The following KCNIP1 variants were observed in gnomAD, a reference collection of about 807,000 sequenced individuals.
KCNIP1 encodes potassium voltage-gated channel interacting protein 1.
In KCNIP1, 18 loss-of-function variants were observed where a neutral mutation model predicts 33.0. The observed-to-expected ratio is 0.55, with a 90% CI of 0.38 to 0.81. The LOEUF (loss-of-function observed/expected upper bound fraction) is 0.81. KCNIP1 is among the 30% of genes least tolerant of loss of function. KCNIP1 has a pLI of 0.00. For missense variants in KCNIP1, 238 were observed against 271.6 expected (o/e 0.88, Z 0.87); for synonymous variants, 93 against 98.3 (o/e 0.95, Z 0.32).
chr5:170,355,711 G>A (rs533489608), intron 1 of KCNIP1, among the ~76,000 whole-genome samples: 1 of 152,354 alleles, frequency 6.6e-6, no homozygotes, highest in Admixed American at 6.5e-5. Context: ...ACATCAGAGT[G>A]TTGGCCTCTG....
At chr5:170,486,733 C>T (rs1442704452) in intron 1 of KCNIP1, among the ~76,000 whole-genome samples, 2 of 152,150 alleles carry the variant, frequency 1.3e-5, no homozygotes, top group Non-Finnish European at 2.9e-5. Context: ...ATTTGCTATC[C>T]TGCAGGCAAG....
chr5:170,356,379 T>C (rs1360619784), intron 1 of KCNIP1, among the ~76,000 whole-genome samples: 1 of 152,132 alleles, frequency 6.6e-6, no homozygotes, highest in Non-Finnish European at 1.5e-5. Context: ...GCCTTGCAAA[T>C]ACCTGGGGGA....
chr5:170,682,897 G>T (rs1762407138), intron 1 of KCNIP1, among the ~76,000 whole-genome samples: 1 of 142,824 alleles, frequency 7.0e-6, no homozygotes. Flanking sequence ...CCAAAGTGCT[G>T]GGATTACAGG....
chr5:170,636,143 A>G (rs1324405307), intron 1 of KCNIP1, among the ~76,000 whole-genome samples: 1 of 152,234 alleles, frequency 6.6e-6, no homozygotes, highest in African/African-American at 2.4e-5. Context: ...TAGACAGTGA[A>G]GCGGAAATGT....
intron 1 of KCNIP1, among the ~76,000 whole-genome samples, chr5:170,676,696 G>T (rs1561758392): frequency 6.6e-6 from 1 of 152,180 alleles, no homozygotes; most frequent in Admixed American, 6.5e-5. Flanking sequence ...AGGGCACATG[G>T]ATGTCACACT....
intron 1 of KCNIP1, among the ~76,000 whole-genome samples, chr5:170,425,094 C>T (rs536182135): frequency 2.8e-4 from 42 of 152,282 alleles, no homozygotes; most frequent in South Asian, 1.2e-3. Flanking sequence ...CCCCTGCACA[C>T]GCTCCACACC....
intron 1 of KCNIP1, among the ~76,000 whole-genome samples, chr5:170,595,069 C>T (rs990589678): frequency 6.6e-6 from 1 of 152,160 alleles, no homozygotes; most frequent in Admixed American, 6.5e-5. Context: ...GTATAAGAGT[C>T]AAGGCCCACT....
intron 1 of KCNIP1, among the ~76,000 whole-genome samples, chr5:170,534,598 A>G (rs887594657): frequency 6.6e-6 from 1 of 152,068 alleles, no homozygotes; most frequent in African/African-American, 2.4e-5. Context: ...GCTCACTGCA[A>G]CCTTGATTTC....
intron 1 of KCNIP1, among the ~76,000 whole-genome samples, chr5:170,569,382 T>C (rs943484577): frequency 2.6e-5 from 4 of 152,356 alleles, no homozygotes; most frequent in Admixed American, 6.5e-5. Flanking sequence ...TGGCAAACAT[T>C]TGGGGACCCT....
intron 1 of KCNIP1, among the ~76,000 whole-genome samples, chr5:170,492,094 C>A (rs1176423318): frequency 1.3e-5 from 2 of 152,206 alleles, no homozygotes; most frequent in Admixed American, 1.3e-4. Context: ...CCAGAGTTAG[C>A]AGAGGCCCCA....
intron 5 of KCNIP1, 48 bp from the exon 6 acceptor site, chr5:170,732,752 C>A (rs1169736685): frequency 1.6e-6 from 2 of 1,266,074 alleles, no homozygotes; most frequent in African/African-American, 1.5e-5. Flanking sequence ...CTAGGAAGAG[C>A]TTGACCTCAT....
At chr5:170,612,435 C>T (rs1163401930) in intron 1 of KCNIP1, among the ~76,000 whole-genome samples, 6 of 152,322 alleles carry the variant, frequency 3.9e-5, no homozygotes, top group Middle Eastern at 6.8e-3. Context: ...GGCTCCCTTT[C>T]GGAGACTAAT....
intron 7 of KCNIP1, among the ~76,000 whole-genome samples, chr5:170,735,184 G>C (rs1764339331): frequency 6.6e-6 from 1 of 152,000 alleles, no homozygotes; most frequent in African/African-American, 2.4e-5. Flanking sequence ...GCTTTGGGGG[G>C]TTTTCTTACT....
chr5:170,534,234 T>C (rs775652569), intron 1 of KCNIP1, among the ~76,000 whole-genome samples: 1 of 152,108 alleles, frequency 6.6e-6, no homozygotes, highest in Admixed American at 6.5e-5. Context: ...TAATTAGAGG[T>C]TCATTGGTGG....
rs143249668 is a variant in KCNIP1, at chr5:170,525,619, C to T, written c.61+20986C>T. Among the ~76,000 whole-genome samples the T allele has an allele frequency of 6.7e-3, 1,022 of 152,274 alleles. 6 individuals are homozygous for T. The highest frequency in any genetic ancestry group is 0.022 in the African/African-American group (930 of 41,540). On this transcript the variant is annotated intron_variant, in intron 1 of 7. Transcript: ENST00000328939. ...TAATTTGGGAGCCTGTGACCTTTACCGCCGTGTGATTCTCTGACTCAGACT... is the reference window on the plus strand; with the variant it reads ...TAATTTGGGAGCCTGTGACCTTTACTGCCGTGTGATTCTCTGACTCAGACT...
intron 1 of KCNIP1, among the ~76,000 whole-genome samples, chr5:170,612,713 A>G (rs979596091): frequency 5.3e-5 from 8 of 152,232 alleles, no homozygotes; most frequent in Admixed American, 2.6e-4. Flanking sequence ...CCAGCCTGAC[A>G]ATGTGAGGCT....
intron 1 of KCNIP1, among the ~76,000 whole-genome samples, chr5:170,446,738 A>T (rs923699210): frequency 4.6e-5 from 7 of 152,294 alleles, no homozygotes; most frequent in Middle Eastern, 3.4e-3. Context: ...CACTGCACCC[A>T]GCCTCAACTT....
At position 170,393,197 on chromosome 5, in the gene KCNIP1, G is replaced by C. The variant is rs1754660370; in HGVS notation, c.88+39233G>C. On this transcript the variant is annotated intron_variant, in intron 1 of 7. Coordinates refer to the KCNIP1 transcript ENST00000377360. ...GGGAGCAGTTTTCAAGAGACCCCAG[G>C]TTTCTTCATGATGTCTGCTTCCACT... is the stretch of plus-strand genomic sequence containing the variant. Among the ~76,000 whole-genome samples the C allele has an allele frequency of 2.0e-5, 3 of 152,152 alleles. No homozygotes were observed. The South Asian group carries it at 6.2e-4, about 32-fold the overall frequency.
rs1031934753 is a variant in KCNIP1, at chr5:170,511,216, A to G, written c.61+6583A>G. On this transcript the variant is annotated intron_variant, in intron 1 of 7. Coordinates refer to ENST00000328939, the MANE Select transcript of KCNIP1 (RefSeq NM_014592.4). ...AGAGCGAGACTCCGTCTCAAAAAAA[A>G]TAAAAATTAAAAAATGGGGACAATG... Among the ~76,000 whole-genome samples, 4 of 152,238 alleles carry G rather than the reference A, an allele frequency of 2.6e-5. No homozygotes were observed. The East Asian group carries it at 5.8e-4, about 22-fold the overall frequency.
Sources: allele counts gnomAD v4.1 joint callset (sites outside exome capture counted in the v4.1 genomes callset), GRCh38; gene constraint gnomAD v4.1.1; transcripts MANE v1.5; gene names NCBI Gene and HGNC (gene_info 2026-07-23, HGNC 2026-07-21).